AMPH: variants seen among roughly 807,000 people sequenced by gnomAD.
AMPH encodes the protein amphiphysin (Stiff-Mann syndrome with breast cancer 128kD autoantigen).
In AMPH, 49 loss-of-function variants were observed where a neutral mutation model predicts 99.1. The observed-to-expected ratio is 0.49, with a 90% CI of 0.39 to 0.63. The LOEUF is 0.63. AMPH is among the 20% of genes least tolerant of loss of function. The pLI, the probability that AMPH is intolerant of heterozygous loss-of-function variation, is 0.00. For synonymous variants in AMPH, 314 were observed against 317.3 expected (o/e 0.99, Z 0.11); for missense variants, 759 against 863.4 (o/e 0.88, Z 1.52).
chr7:38,510,597 G>A (rs1406440594), intron 2 of AMPH, among the ~76,000 whole-genome samples: 1 of 152,152 alleles, frequency 6.6e-6, no homozygotes, highest in Non-Finnish European at 1.5e-5. Flanking sequence ...AGAAAACAGA[G>A]GCACAGAGGC....
intron 12 of AMPH, among the ~76,000 whole-genome samples, chr7:38,435,881 A>G (rs1391046838): frequency 1.3e-5 from 2 of 152,196 alleles, no homozygotes; most frequent in Non-Finnish European, 2.9e-5. Flanking sequence ...TTTAACTTGC[A>G]AAGTATGAGG....
intron 5 of AMPH, among the ~76,000 whole-genome samples, chr7:38,488,188 G>A (rs1355086086): frequency 9.9e-5 from 15 of 152,204 alleles, no homozygotes; most frequent in Admixed American, 9.8e-4. Flanking sequence ...ATACCCAAAG[G>A]ATTATAACTC....
At chr7:38,473,747 A>G (rs887021135) in intron 7 of AMPH, among the ~76,000 whole-genome samples, 1 of 140,862 alleles carries the variant, frequency 7.1e-6, no homozygotes, top group African/African-American at 2.6e-5. Context: ...AAAAAAAAAA[A>G]GTATTCCATG....
chr7:38,393,692 G>A lies in AMPH; in HGVS notation c.1608+313C>T, dbSNP rs183856161. On this transcript the variant is annotated intron_variant, in intron 18 of 20. Transcript: ENST00000356264. The stretch of plus-strand genomic sequence containing the variant: ...CACTTCATCACATTCTCTTTCTCCC[G>A]GCTCCATTCTCATCCTTTTCACTGT... Among the ~76,000 whole-genome samples, 9 of 152,062 alleles carry A rather than the reference G, an allele frequency of 5.9e-5. No homozygotes were observed. In the East Asian group the frequency reaches 7.7e-4, roughly 13 times the overall value.
intron 1 of AMPH, among the ~76,000 whole-genome samples, chr7:38,546,422 AT>A (rs1314093262): frequency 3.3e-5 from 5 of 152,230 alleles, no homozygotes; most frequent in Non-Finnish European, 7.3e-5. Context: ...TAAAAAAAAA[AT>A]TAAACACTAT....
chr7:38,416,052 G>GTTGAATAT (rs1785373287), intron 17 of AMPH, among the ~76,000 whole-genome samples: 1 of 143,956 alleles, frequency 6.9e-6, no homozygotes, highest in East Asian at 2.0e-4. Context: ...GCCACAGGGT[G>GTTGAATAT]TTGAATATTT....
At chr7:38,527,440 TA>T (rs749510887) in intron 2 of AMPH, among the ~76,000 whole-genome samples, 10 of 152,252 alleles carry the variant, frequency 6.6e-5, no homozygotes, top group Non-Finnish European at 1.3e-4. Flanking sequence ...TTTATAATTT[TA>T]AGCATATAGA....
intron 14 of AMPH, chr7:38,429,390 G>A (rs1309450639): frequency 7.7e-7 from 1 of 1,291,236 alleles, no homozygotes; most frequent in Non-Finnish European, 1.0e-6. Context: ...TGTTTCGGAG[G>A]GACATGCAGA....
chr7:38,447,848 AT>A (rs1318080911), intron 11 of AMPH, among the ~76,000 whole-genome samples: 4 of 151,984 alleles, frequency 2.6e-5, no homozygotes, highest in Non-Finnish European at 5.9e-5. Context: ...GGGCATAGAG[AT>A]TTTCATCTTT....
intron 11 of AMPH, 41 bp from the exon 12 acceptor site, chr7:38,436,429 G>A (rs1284993751): frequency 1.4e-6 from 2 of 1,437,724 alleles, no homozygotes; most frequent in Non-Finnish European, 2.0e-6. Flanking sequence ...ACATGTATTA[G>A]CTTGAATCTG....
intron 1 of AMPH, among the ~76,000 whole-genome samples, chr7:38,617,530 G>A (rs1793918525): frequency 6.6e-6 from 1 of 152,212 alleles, no homozygotes; most frequent in Non-Finnish European, 1.5e-5. Context: ...GCCAAATCCT[G>A]AGGGACCTAG....
chr7:38,392,258 G>C (rs1784524192), intron 18 of AMPH, among the ~76,000 whole-genome samples: 2 of 151,996 alleles, frequency 1.3e-5, no homozygotes, highest in Non-Finnish European at 2.9e-5. Context: ...AGTTTGGTAA[G>C]CATGAGGTTT....
intron 3 of AMPH, among the ~76,000 whole-genome samples, chr7:38,497,912 C>A (rs191281652): frequency 1.1e-3 from 160 of 152,288 alleles, no homozygotes; most frequent in African/African-American, 3.7e-3. Context: ...ATTAATGACA[C>A]CACGTGCACT....
At chr7:38,517,794 T>C (rs1562802597) in intron 2 of AMPH, among the ~76,000 whole-genome samples, 1 of 152,212 alleles carries the variant, frequency 6.6e-6, no homozygotes, top group Non-Finnish European at 1.5e-5. Flanking sequence ...ATAAAAAGCA[T>C]GTCAGAGAGA....
At chr7:38,438,043 G>A (rs770720847) in intron 11 of AMPH, among the ~76,000 whole-genome samples, 11 of 152,058 alleles carry the variant, frequency 7.2e-5, no homozygotes, top group East Asian at 1.9e-4. Context: ...ACTATCAACC[G>A]ATTCCCTATT....
chr7:38,429,181 T>C (rs1162761276), intron 14 of AMPH: 2 of 1,289,778 alleles, frequency 1.6e-6, no homozygotes, highest in South Asian at 1.2e-5. Flanking sequence ...ATGGCTGGCA[T>C]GTCTGAGTCA....
intron 1 of AMPH, among the ~76,000 whole-genome samples, chr7:38,535,808 C>G (rs1790577502): frequency 6.6e-6 from 1 of 152,180 alleles, no homozygotes; most frequent in African/African-American, 2.4e-5. Flanking sequence ...CGCTGCTGAT[C>G]TGACAGGAGG....
chr7:38,499,028 G>A (rs1789033763), intron 3 of AMPH, among the ~76,000 whole-genome samples: 1 of 152,064 alleles, frequency 6.6e-6, no homozygotes, highest in Non-Finnish European at 1.5e-5. Context: ...GGCCACCTAT[G>A]ACCCCACTTC....
chr7:38,629,150 A>G (rs1375821461), intron 1 of AMPH, among the ~76,000 whole-genome samples: 1 of 152,194 alleles, frequency 6.6e-6, no homozygotes, highest in Non-Finnish European at 1.5e-5. Flanking sequence ...GGAGCCTCTG[A>G]CAGTAACATA....
Sources: allele counts gnomAD v4.1 joint callset (sites outside exome capture counted in the v4.1 genomes callset), GRCh38; gene constraint gnomAD v4.1.1; transcripts MANE v1.5; gene names NCBI Gene and HGNC (gene_info 2026-07-23, HGNC 2026-07-21).